Variants in ALG6 observed in about 807,000 individuals in gnomAD.
ALG6 encodes the protein ALG6 alpha-1,3-glucosyltransferase.
A neutral mutation model predicts 66.6 loss-of-function variants in ALG6; 46 were observed. That is an observed-to-expected ratio of 0.69 (90% CI 0.55 to 0.88). ALG6 has a LOEUF of 0.88. Among genes scored for constraint, ALG6 ranks in the 40% least tolerant of loss-of-function variants. ALG6 has a pLI of 0.00. For synonymous variants in ALG6, 185 were observed against 203.7 expected (o/e 0.91, Z 0.78); for missense variants, 505 against 586.8 (o/e 0.86, Z 1.44).
chr1:63,382,665 GTTTTTTT>G (rs59236936), intron 2 of ALG6, among the ~76,000 whole-genome samples: 1 of 93,600 alleles, frequency 1.1e-5, no homozygotes, highest in Non-Finnish European at 2.1e-5. Context: ...GTTTTTTTTT[GTTTTTTT>G]TTTTTTGTTT....
intron 4 of ALG6, among the ~76,000 whole-genome samples, chr1:63,403,974 T>G (rs1195296623): frequency 6.6e-6 from 1 of 152,214 alleles, no homozygotes; most frequent in Non-Finnish European, 1.5e-5. Context: ...ATCATTATAG[T>G]ATTCAGGGTA....
At chr1:63,422,691 C>T (rs991869513) in intron 12 of ALG6, among the ~76,000 whole-genome samples, 2 of 151,690 alleles carry the variant, frequency 1.3e-5, no homozygotes, top group South Asian at 4.1e-4. Flanking sequence ...CACAGTGGCT[C>T]ATGCCTGTAA....
At chr1:63,375,342 T>G (rs1648086635) in intron 2 of ALG6, among the ~76,000 whole-genome samples, 1 of 148,840 alleles carries the variant, frequency 6.7e-6, no homozygotes, top group African/African-American at 2.5e-5. Flanking sequence ...TTTCCTGGGT[T>G]CAAGCAATTC....
At chr1:63,395,557 T>C (rs767405245) in intron 2 of ALG6, among the ~76,000 whole-genome samples, 5 of 152,154 alleles carry the variant, frequency 3.3e-5, no homozygotes, top group African/African-American at 7.2e-5. Context: ...TAGGCAGTTA[T>C]GGTGGCACAC....
At chr1:63,419,302 T>C in intron 11 of ALG6, 68 bp from the exon 12 acceptor site, 1 of 1,226,814 alleles carries the variant, frequency 8.2e-7, no homozygotes. Flanking sequence ...TTATTTAGAT[T>C]CTATAATTAA....
chr1:63,369,205 G>T (rs1170332091), intron 1 of ALG6, among the ~76,000 whole-genome samples: 1 of 152,248 alleles, frequency 6.6e-6, no homozygotes, highest in Non-Finnish European at 1.5e-5. Flanking sequence ...ACAGTAAGGG[G>T]AGGAAGCTTT....
rs571094242 is a variant in ALG6 at position 63,403,523 on chromosome 1, A to T, written c.258-930A>T. Among the ~76,000 whole-genome samples the T allele has an allele frequency of 9.9e-5, 15 of 152,232 alleles. No homozygotes were observed. The South Asian group carries it at 1.9e-3, about 19-fold the overall frequency. The stretch of plus-strand genomic sequence containing the variant: ...AAGTATGTCAGCAAAAATTTGAGGA[A>T]CCTCTTCACAATATCTCGTGAACTC... On this transcript the variant is annotated intron_variant, in intron 4 of 14. Transcript: ENST00000263440.
At chr1:63,424,250 C>T (rs1644603502) in intron 12 of ALG6, among the ~76,000 whole-genome samples, 1 of 152,206 alleles carries the variant, frequency 6.6e-6, no homozygotes, top group Non-Finnish European at 1.5e-5. Flanking sequence ...AAGTGATTCT[C>T]CTGCCTCAGC....
At position 63,402,427 on chromosome 1, in the gene ALG6, A is replaced by G. The variant is rs552607944; in HGVS notation, c.257+84A>G. On this transcript the variant is annotated intron_variant, in intron 4 of 14. Transcript: ENST00000263440. The stretch of plus-strand genomic sequence containing the variant: ...GAAGCAGTGTGATGGGGCTTTCTTG[A>G]CTAGAGGAGAGATTGCTTGTAGCTG... 1.1e-5 allele frequency: 8 copies of G among 756,350 alleles called. No individual in the cohort carries two copies. In the African/African-American group the frequency reaches 1.3e-4, roughly 12 times the overall value. The allele number at this position is 756,350 out of a possible 1,614,324, so 46.9% of individuals were successfully genotyped here.
At position 63,369,967 on chromosome 1, in the gene ALG6, C is replaced by T. The variant is rs74679346; in HGVS notation, c.-207-804C>T. Among the ~76,000 whole-genome samples, 13 of 151,968 alleles carry T rather than the reference C, an allele frequency of 8.6e-5. No individual in the cohort carries two copies. In the East Asian group the frequency reaches 1.6e-3, roughly 18 times the overall value. ...CCAAATAGCTGGGATCACAGGCGAG[C>T]GCCACCATACCTGGCTAATTTTGTA... On this transcript the variant is annotated intron_variant, in intron 1 of 14. Transcript: ENST00000263440.
chr1:63,426,628 C>T (rs1419782406), intron 12 of ALG6, among the ~76,000 whole-genome samples: 5 of 152,166 alleles, frequency 3.3e-5, no homozygotes, highest in South Asian at 2.1e-4. Context: ...ACTGCAGCCT[C>T]GGACTCCTGG....
At chr1:63,425,772 G>A (rs1333876945) in intron 12 of ALG6, among the ~76,000 whole-genome samples, 2 of 152,108 alleles carry the variant, frequency 1.3e-5, no homozygotes, top group Non-Finnish European at 2.9e-5. Context: ...CCTTGCTTGA[G>A]GGCTTAAGAG....
intron 2 of ALG6, among the ~76,000 whole-genome samples, chr1:63,394,376 T>TTTTC (rs200826705): frequency 1.3e-5 from 2 of 152,210 alleles, no homozygotes; most frequent in African/African-American, 4.8e-5. Context: ...CATCTTTTTT[T>TTTTC]TTTCTTTCTT....
chr1:63,428,519 A>G lies in ALG6; in HGVS notation c.1059-214A>G, dbSNP rs200941633. 5.1e-4 allele frequency: 200 copies of G among 389,774 alleles called. No individual in the cohort carries two copies. The East Asian group carries it at 7.2e-3, about 14-fold the overall frequency. 24.1% of individuals were successfully genotyped at this position (389,774 alleles called of 1,614,324 possible). A position where few individuals can be genotyped will look rare whatever the true frequency, so the allele number is the denominator to read the frequency against. On this transcript the variant is annotated intron_variant, in intron 12 of 14. Transcript: ENST00000263440. The stretch of plus-strand genomic sequence containing the variant: ...GCATACTGGAAGCAGCAGTTTTCCA[A>G]TTATTATGAGGAGTTGACACCTCTG...
chr1:63,393,584 A>C (rs913118979), intron 2 of ALG6, among the ~76,000 whole-genome samples: 1 of 152,222 alleles, frequency 6.6e-6, no homozygotes, highest in Non-Finnish European at 1.5e-5. Flanking sequence ...TGAAGGTTGG[A>C]TATGAGTTGA....
chr1:63,385,154 A>G (rs1274067741), intron 2 of ALG6, among the ~76,000 whole-genome samples: 1 of 119,568 alleles, frequency 8.4e-6, no homozygotes, highest in African/African-American at 3.1e-5. Flanking sequence ...TCAGTGTTCT[A>G]TAGTTTTTTA....
At chr1:63,414,305 G>A (rs1644531505) in intron 10 of ALG6, among the ~76,000 whole-genome samples, 159 bp downstream of exon 10, 1 of 150,892 alleles carries the variant, frequency 6.6e-6, no homozygotes, top group South Asian at 2.1e-4. Context: ...AGGTTGGAGT[G>A]CAGTGGCTTG....
At chr1:63,412,286 C>A (rs921882966) in intron 9 of ALG6, among the ~76,000 whole-genome samples, 4 of 152,130 alleles carry the variant, frequency 2.6e-5, no homozygotes, top group African/African-American at 9.7e-5. Context: ...TGGTGCACTA[C>A]AGCCTTGAAC....
rs1361392008 is a variant in ALG6 at position 63,400,330 on chromosome 1, TATATAC to T, written c.168-1923_168-1918del. Among the ~76,000 whole-genome samples the T allele has an allele frequency of 4.1e-4, 14 of 34,196 alleles. 3 individuals carry two copies. Among genetic ancestry groups the T allele is most frequent in the Middle Eastern group, 0.02 (1 of 50 alleles). The allele number at this position is 34,196 out of a possible 152,430, so 22.4% of individuals were successfully genotyped here. ...ATGTATATATATATACGTATATATA[TATATAC>T]GTATATATATATGTATATATATATG... On this transcript the variant is annotated intron_variant, in intron 3 of 14. Transcript: ENST00000263440.
Sources: gnomAD v4.1 joint callset for allele counts (sites outside exome capture counted in the v4.1 genomes callset) on GRCh38, gnomAD v4.1.1 for gene constraint, MANE v1.5 for transcripts, NCBI Gene and HGNC (gene_info 2026-07-23, HGNC 2026-07-21) for gene names.